SEMA5A: variants seen among roughly 807,000 people sequenced by gnomAD.
SEMA5A encodes semaphorin 5A.
In SEMA5A, 55 loss-of-function variants were observed where a neutral mutation model predicts 135.5. The ratio of observed to expected loss-of-function variants is 0.41; its 90% CI spans 0.33 to 0.51. The LOEUF is 0.51. Among genes scored for constraint, SEMA5A ranks in the 20% least tolerant of loss-of-function variants. SEMA5A has a pLI of 0.37. For missense variants in SEMA5A, 1,290 were observed against 1,419.9 expected, an observed-to-expected ratio of 0.91 and a Z score of 1.47; for synonymous variants, 580 against 546.5, an observed-to-expected ratio of 1.06 and a Z score of -0.85.
intron 5 of SEMA5A, among the ~76,000 whole-genome samples, chr5:9,241,281 T>C (rs1374793964): frequency 6.6e-6 from 1 of 152,090 alleles, no homozygotes; most frequent in Non-Finnish European, 1.5e-5. Flanking sequence ...AATTATCTCC[T>C]TTATTTAACA....
intron 3 of SEMA5A, among the ~76,000 whole-genome samples, chr5:9,358,112 A>G (rs1754532612): frequency 6.6e-6 from 1 of 151,864 alleles, no homozygotes; most frequent in South Asian, 2.1e-4. Context: ...TTCTGTCCCC[A>G]CTGCTTTTTG....
chr5:9,263,490 T>A (rs1240225947), intron 5 of SEMA5A, among the ~76,000 whole-genome samples: 1 of 152,160 alleles, frequency 6.6e-6, no homozygotes, highest in African/African-American at 2.4e-5. Flanking sequence ...TGGAACAGTT[T>A]CATCCCAAAA....
intron 5 of SEMA5A, among the ~76,000 whole-genome samples, chr5:9,238,131 G>A (rs1277980084): frequency 6.6e-6 from 1 of 152,016 alleles, no homozygotes; most frequent in Admixed American, 6.6e-5. Flanking sequence ...TAGTAATGAT[G>A]GGATGCTTAG....
At chr5:9,057,766 T>G (rs61011625) in intron 18 of SEMA5A, among the ~76,000 whole-genome samples, 5,790 of 152,282 alleles carry the variant, frequency 0.038, 376 homozygotes, top group African/African-American at 0.13. Flanking sequence ...CCTTACTCTG[T>G]CCGGAAGTTG....
In SEMA5A at chr5:9,224,892, G is replaced by T. The variant is rs1478409943; in HGVS notation, c.433-5C>A. ...GATCTCAGTCAGGTTGCTCAACTGTGGGGGAGGATGAGAGGGAAAGCAGTT... is the reference window on the plus strand; with the variant it reads ...GATCTCAGTCAGGTTGCTCAACTGTTGGGGAGGATGAGAGGGAAAGCAGTT... On this transcript the variant is annotated splice_region_variant and splice_polypyrimidine_tract_variant and intron_variant, in intron 7 of 22. Transcript: ENST00000382496. 1.4e-5 allele frequency: 23 copies of T among 1,609,840 alleles called. No homozygotes were observed. Among genetic ancestry groups the T allele is most frequent in the Non-Finnish European group, 2.0e-5 (23 of 1,177,612 alleles).
intron 5 of SEMA5A, among the ~76,000 whole-genome samples, chr5:9,280,226 A>G (rs3777303): frequency 0.4 from 60,292 of 152,046 alleles, 12,176 homozygotes; most frequent in East Asian, 0.48. Context: ...CATTTACTGC[A>G]GCAGATATCT....
intron 21 of SEMA5A, among the ~76,000 whole-genome samples, chr5:9,048,298 T>G (rs1369484908): frequency 1.3e-5 from 2 of 152,212 alleles, no homozygotes; most frequent in Admixed American, 1.3e-4. Context: ...CTGAATTCCA[T>G]GTGTGCACTT....
chr5:9,215,401 G>T (rs781319106), intron 8 of SEMA5A, among the ~76,000 whole-genome samples: 2 of 152,126 alleles, frequency 1.3e-5, no homozygotes, highest in East Asian at 3.9e-4. Flanking sequence ...TTTCATGAAT[G>T]TGACCTTATC....
intron 12 of SEMA5A, among the ~76,000 whole-genome samples, chr5:9,152,267 T>C (rs1425631616): frequency 6.6e-6 from 1 of 152,038 alleles, no homozygotes; most frequent in Non-Finnish European, 1.5e-5. Context: ...TGAGCTGGAG[T>C]TGAAAGACTG....
At chr5:9,393,573 A>G (rs1250981511) in intron 2 of SEMA5A, among the ~76,000 whole-genome samples, 2 of 152,236 alleles carry the variant, frequency 1.3e-5, no homozygotes. Flanking sequence ...TTAAAATTAT[A>G]TGAGTTAATT....
chr5:9,415,071 C>A (rs1757238102), intron 2 of SEMA5A, among the ~76,000 whole-genome samples: 1 of 152,158 alleles, frequency 6.6e-6, no homozygotes, highest in South Asian at 2.1e-4. Flanking sequence ...GATCTAGTCA[C>A]CATGAGACAG....
intron 12 of SEMA5A, among the ~76,000 whole-genome samples, chr5:9,149,085 T>A (rs2150247260): frequency 6.6e-6 from 1 of 152,280 alleles, no homozygotes. Context: ...TTTTCTGCTC[T>A]TTTTTTGGCT....
At chr5:9,049,738 C>G (rs1435262699) in intron 21 of SEMA5A, among the ~76,000 whole-genome samples, 1 of 152,178 alleles carries the variant, frequency 6.6e-6, no homozygotes, top group African/African-American at 2.4e-5. Context: ...GGACAGCCAA[C>G]CTCTCCATCC....
At chr5:9,443,005 G>A (rs1758295626) in intron 1 of SEMA5A, among the ~76,000 whole-genome samples, 1 of 152,200 alleles carries the variant, frequency 6.6e-6, no homozygotes, top group Non-Finnish European at 1.5e-5. Context: ...CTATGTGGAG[G>A]ACCCAGCACT....
At chr5:9,050,490 A>T in intron 20 of SEMA5A, 33 bp from the exon 21 acceptor site, 1 of 1,593,950 alleles carries the variant, frequency 6.3e-7, no homozygotes, top group Non-Finnish European at 8.6e-7. Flanking sequence ...ACAATGTGTA[A>T]AAGGTGTTCA....
intron 1 of SEMA5A, among the ~76,000 whole-genome samples, chr5:9,510,404 A>G (rs890648708): frequency 6.6e-6 from 1 of 152,258 alleles, no homozygotes; most frequent in African/African-American, 2.4e-5. Context: ...CATGTAATTC[A>G]TAGATGCTAT....
intron 1 of SEMA5A, among the ~76,000 whole-genome samples, chr5:9,488,582 T>C (rs988419481): frequency 1.3e-5 from 2 of 152,182 alleles, no homozygotes; most frequent in Non-Finnish European, 2.9e-5. Flanking sequence ...TGAACATTGA[T>C]AGCTGCATGG....
In SEMA5A at chr5:9,458,580, C is replaced by G. The variant is rs190445294; in HGVS notation, c.-174-20728G>C. On this transcript the variant is annotated intron_variant, in intron 1 of 22. Transcript: ENST00000382496. ...GGCAGCTTTTGGTCAGATTGCCCAG[C>G]AAGCCACACAAGATGGTGGCAAACT... Among the ~76,000 whole-genome samples the G allele has an allele frequency of 2.9e-4, 44 of 152,278 alleles. No homozygotes were observed. The East Asian group carries it at 8.3e-3, about 29-fold the overall frequency.
At chr5:9,270,574 T>A (rs373732828) in intron 5 of SEMA5A, among the ~76,000 whole-genome samples, 3 of 151,800 alleles carry the variant, frequency 2.0e-5, no homozygotes, top group East Asian at 1.9e-4. Context: ...GAAAGTCGAG[T>A]CTGGTTGGAA....
Sources: gnomAD v4.1 joint callset for allele counts (sites outside exome capture counted in the v4.1 genomes callset) on GRCh38, gnomAD v4.1.1 for gene constraint, MANE v1.5 for transcripts, NCBI Gene and HGNC (gene_info 2026-07-23, HGNC 2026-07-21) for gene names.